Variants in SPMAP2L observed in about 807,000 individuals in gnomAD.
SPMAP2L encodes sperm microtubule associated protein 2 like.
At chr4:56,544,051 C>T in the SPMAP2L span, among the ~76,000 whole-genome samples, 1 of 151,266 alleles carries the variant, frequency 6.6e-6, no homozygotes, top group Non-Finnish European at 1.5e-5. Context: ...TATGGCCCTA[C>T]CTAGGCTCAC....
At chr4:56,532,123 C>A in the SPMAP2L span, among the ~76,000 whole-genome samples, 1 of 152,196 alleles carries the variant, frequency 6.6e-6, no homozygotes, top group African/African-American at 2.4e-5. Context: ...CACTGCCTGG[C>A]AAGCTCACTT....
chr4:56,577,678 C>T, the SPMAP2L span, among the ~76,000 whole-genome samples: 39 of 152,234 alleles, frequency 2.6e-4, no homozygotes, highest in South Asian at 5.4e-3. Flanking sequence ...GTAACTGAAG[C>T]GGAAATTACG....
the SPMAP2L span, among the ~76,000 whole-genome samples, chr4:56,610,094 A>G: frequency 1.3e-5 from 2 of 152,196 alleles, no homozygotes; most frequent in Non-Finnish European, 2.9e-5. Context: ...AGAATTAGAA[A>G]AACAATCCTA....
chr4:56,594,681 A>G, the SPMAP2L span: 1 of 1,300,136 alleles, frequency 7.7e-7, no homozygotes, highest in Non-Finnish European at 1.1e-6. Flanking sequence ...AAATGTGGGA[A>G]TATCAATGCA....
chr4:56,588,597 A>G, the SPMAP2L span, among the ~76,000 whole-genome samples: 1,034 of 152,106 alleles, frequency 6.8e-3, 13 homozygotes, highest in African/African-American at 0.024. Context: ...ACGCCAGGCT[A>G]ATTTTGTATT....
chr4:56,573,343 A>G, the SPMAP2L span, among the ~76,000 whole-genome samples: 1 of 152,146 alleles, frequency 6.6e-6, no homozygotes, highest in African/African-American at 2.4e-5. Flanking sequence ...AGCATAAGGC[A>G]TAAGTATTAT....
the SPMAP2L span, chr4:56,531,262 G>T: frequency 2.1e-6 from 3 of 1,421,768 alleles, no homozygotes; most frequent in East Asian, 2.5e-5. Flanking sequence ...AGAACCGGGG[G>T]TCCTAAGGTG....
the SPMAP2L span, among the ~76,000 whole-genome samples, chr4:56,555,904 A>G: frequency 6.6e-6 from 1 of 152,172 alleles, no homozygotes; most frequent in Non-Finnish European, 1.5e-5. Context: ...CATGGATAGG[A>G]ACACACACAT....
At chr4:56,532,883 C>T in the SPMAP2L span, among the ~76,000 whole-genome samples, 2 of 152,214 alleles carry the variant, frequency 1.3e-5, no homozygotes, top group African/African-American at 4.8e-5. Context: ...TTGTTAACTG[C>T]TCTACCATTT....
chr4:56,556,227 A>G, the SPMAP2L span, among the ~76,000 whole-genome samples: 1 of 152,210 alleles, frequency 6.6e-6, no homozygotes, highest in African/African-American at 2.4e-5. Flanking sequence ...AAAATAATGC[A>G]GGAGAGAAAT....
At chr4:56,532,212 A>AC in the SPMAP2L span, among the ~76,000 whole-genome samples, 13,451 of 150,944 alleles carry the variant, frequency 0.089, 732 homozygotes, top group East Asian at 0.26. Flanking sequence ...CACACCTTTG[A>AC]CCCCCCCACC....
At chr4:56,587,843 A>T in the SPMAP2L span, among the ~76,000 whole-genome samples, 1 of 152,224 alleles carries the variant, frequency 6.6e-6, no homozygotes. Flanking sequence ...CAGCAGTGGG[A>T]TTGCTGGATC....
chr4:56,600,896 T>C, the SPMAP2L span: 3 of 1,510,986 alleles, frequency 2.0e-6, no homozygotes, highest in African/African-American at 2.8e-5. Flanking sequence ...AATGTAAAAT[T>C]TGGGATATAT....
the SPMAP2L span, among the ~76,000 whole-genome samples, chr4:56,546,296 C>A: frequency 6.6e-6 from 1 of 152,150 alleles, no homozygotes; most frequent in African/African-American, 2.4e-5. Flanking sequence ...AATAAACTTG[C>A]CTTAGATCAG....
chr4:56,531,425 T>C, the SPMAP2L span, among the ~76,000 whole-genome samples: 8 of 152,224 alleles, frequency 5.3e-5, no homozygotes, highest in Non-Finnish European at 1.2e-4. Context: ...TCCACTGCTA[T>C]CTAATGAGCT....
chr4:56,532,246 T>G, the SPMAP2L span, among the ~76,000 whole-genome samples: 1 of 152,128 alleles, frequency 6.6e-6, no homozygotes, highest in East Asian at 1.9e-4. Flanking sequence ...TGCCCCATTC[T>G]TTATCGAGAA....
At chr4:56,555,129 G>A in the SPMAP2L span, among the ~76,000 whole-genome samples, 17,550 of 151,680 alleles carry the variant, frequency 0.12, 1,064 homozygotes, top group East Asian at 0.2. Flanking sequence ...AGTAGAGATG[G>A]GGTTTCTCCA....
At chr4:56,562,088 G>A in the SPMAP2L span, among the ~76,000 whole-genome samples, 106 of 152,164 alleles carry the variant, frequency 7.0e-4, no homozygotes, top group Non-Finnish European at 1.1e-3. Flanking sequence ...TATAGCACGG[G>A]GGCAAAGGCA....
At chr4:56,565,850 C>T in the SPMAP2L span, among the ~76,000 whole-genome samples, 10 of 152,014 alleles carry the variant, frequency 6.6e-5, no homozygotes, top group Non-Finnish European at 1.2e-4. Flanking sequence ...CAAATTGACC[C>T]TTTTTTATCA....
Sources: allele counts gnomAD v4.1 joint callset (sites outside exome capture counted in the v4.1 genomes callset), GRCh38; gene constraint gnomAD v4.1.1; transcripts MANE v1.5; gene names NCBI Gene and HGNC (gene_info 2026-07-23, HGNC 2026-07-21).